Variants in CRTAC1 observed in about 807,000 individuals in gnomAD.
The protein encoded by CRTAC1 is cartilage acidic protein 1.
CRTAC1 carries 37 observed loss-of-function variants against 67.8 expected under a neutral mutation model. That is an observed-to-expected ratio of 0.55 (90% CI 0.42 to 0.72). The LOEUF is 0.72. CRTAC1 is among the 30% of genes least tolerant of loss of function. The pLI, the probability that CRTAC1 is intolerant of heterozygous loss-of-function variation, is 0.00. For missense variants in CRTAC1, 780 were observed against 931.6 expected, an observed-to-expected ratio of 0.84 and a Z score of 2.12; for synonymous variants, 348 against 371.0, an observed-to-expected ratio of 0.94 and a Z score of 0.71.
At chr10:98,020,017 G>C (rs1203966341) in intron 1 of CRTAC1, among the ~76,000 whole-genome samples, 2 of 152,202 alleles carry the variant, frequency 1.3e-5, no homozygotes, top group African/African-American at 4.8e-5. Flanking sequence ...CTGGATCCCT[G>C]AGTCAATTCT....
intron 2 of CRTAC1, among the ~76,000 whole-genome samples, chr10:97,994,208 G>A (rs902582719): frequency 6.6e-6 from 1 of 152,148 alleles, no homozygotes; most frequent in Non-Finnish European, 1.5e-5. Flanking sequence ...TTTGGTTTGA[G>A]TTTTATTTTA....
At chr10:97,986,089 G>C (rs2051977925) in intron 2 of CRTAC1, among the ~76,000 whole-genome samples, 1 of 152,222 alleles carries the variant, frequency 6.6e-6, no homozygotes, top group Admixed American at 6.5e-5. Context: ...TGGGCTCTGG[G>C]AAGGAGGAAG....
intron 4 of CRTAC1, among the ~76,000 whole-genome samples, chr10:97,922,123 C>T (rs1012444601): frequency 4.6e-5 from 7 of 152,152 alleles, no homozygotes; most frequent in African/African-American, 9.6e-5. Context: ...GGCCCCTAAC[C>T]GTGACCAGGT....
chr10:98,015,505 T>C (rs929430036), intron 1 of CRTAC1, among the ~76,000 whole-genome samples: 1 of 152,258 alleles, frequency 6.6e-6, no homozygotes, highest in Non-Finnish European at 1.5e-5. Context: ...TTGCAAATTT[T>C]ATGTTCTGTG....
chr10:97,981,410 C>A (rs983453087), intron 2 of CRTAC1, among the ~76,000 whole-genome samples: 1 of 152,160 alleles, frequency 6.6e-6, no homozygotes, highest in Non-Finnish European at 1.5e-5. Context: ...TATTATGCTT[C>A]TTTCCCTTAG....
intron 5 of CRTAC1, among the ~76,000 whole-genome samples, chr10:97,913,222 A>G (rs2050713846): frequency 6.6e-6 from 1 of 152,178 alleles, no homozygotes; most frequent in Admixed American, 6.5e-5. Flanking sequence ...AAATTTCCTG[A>G]AAAATTATAA....
At chr10:97,897,032 A>ATAC in intron 8 of CRTAC1, 41 bp from the exon 9 acceptor site, 1 of 1,465,264 alleles carries the variant, frequency 6.8e-7, no homozygotes, top group African/African-American at 1.4e-5. Flanking sequence ...GGGGTCTCAG[A>ATAC]GGCCGCTGGA....
chr10:97,993,512 G>C (rs928097692), intron 2 of CRTAC1, among the ~76,000 whole-genome samples: 2 of 152,192 alleles, frequency 1.3e-5, no homozygotes, highest in African/African-American at 2.4e-5. Flanking sequence ...GCTTGAAGGA[G>C]GGGATCATAT....
rs923462245 is a variant in CRTAC1, at chr10:98,030,012, C to T, written c.24+437G>A. Among the ~76,000 whole-genome samples, 9 of 152,050 alleles carry T rather than the reference C, an allele frequency of 5.9e-5. No homozygotes were observed. The highest frequency in any genetic ancestry group is 1.0e-4 in the Non-Finnish European group (7 of 67,962). ...CAGCCTGGAAGCGTAGGCACTCGGC[C>T]GAGGCCAGTGGCTTCCCAGGCCCGG... On this transcript the variant is annotated intron_variant, in intron 1 of 14. Transcript: ENST00000370597. This position sits in a 1 kb window ranked among gnomAD's most constrained non-coding sequence, Gnocchi z 4.2.
rs1023552456 is a variant in CRTAC1 at position 97,975,183 on chromosome 10, C to T, written c.224+35955G>A. Among the ~76,000 whole-genome samples the T allele has an allele frequency of 6.6e-6, 1 of 152,180 alleles. No homozygotes were observed. The highest frequency in any genetic ancestry group is 1.5e-5 in the Non-Finnish European group (1 of 68,026). On this transcript the variant is annotated intron_variant, in intron 2 of 14. Coordinates refer to ENST00000370597, the MANE Select transcript of CRTAC1 (RefSeq NM_018058.7). This position sits in a 1 kb window ranked among gnomAD's most constrained non-coding sequence, Gnocchi z 4.8. ...AGGAATCCAATTTGCGCACAAGGAT[C>T]GTCTACAAATTTATATGTCGGCATT...
intron 2 of CRTAC1, among the ~76,000 whole-genome samples, chr10:97,953,983 C>T (rs776780742): frequency 7.2e-5 from 11 of 152,122 alleles, no homozygotes; most frequent in African/African-American, 2.7e-4. Flanking sequence ...GGCAAATTCT[C>T]GGGAGGTGTA....
chr10:97,930,322 T>C (rs2050985475), intron 3 of CRTAC1, among the ~76,000 whole-genome samples: 1 of 152,216 alleles, frequency 6.6e-6, no homozygotes, highest in Admixed American at 6.5e-5. Context: ...TATTCCATAT[T>C]ATGCTGCTTT....
intron 2 of CRTAC1, among the ~76,000 whole-genome samples, chr10:97,996,582 C>T (rs956192355): frequency 3.3e-5 from 5 of 152,174 alleles, no homozygotes; most frequent in African/African-American, 4.8e-5. Context: ...AGTCAGGAAA[C>T]AACGGGTGCT....
chr10:97,891,429 A>G (rs1172772369), intron 11 of CRTAC1, among the ~76,000 whole-genome samples: 1 of 152,150 alleles, frequency 6.6e-6, no homozygotes, highest in East Asian at 1.9e-4. Flanking sequence ...CTGTCCTTCT[A>G]GACCTAATTC....
chr10:97,881,637 G>A (rs1303369723), intron 13 of CRTAC1, among the ~76,000 whole-genome samples: 2 of 150,518 alleles, frequency 1.3e-5, no homozygotes, highest in Non-Finnish European at 3.0e-5. Context: ...TGATCTCAAA[G>A]GGTCCTTCCT....
At position 98,030,427 on chromosome 10, in the gene CRTAC1, G is replaced by A; in HGVS notation, c.24+22C>T. ...GAAACTTTCTCCGCCTTAGGGTGGGGGGCACCGGTGCAGATACTCACGCCG... is the reference window on the plus strand; with the variant it reads ...GAAACTTTCTCCGCCTTAGGGTGGGAGGCACCGGTGCAGATACTCACGCCG... On this transcript the variant is annotated intron_variant, in intron 1 of 14. Coordinates refer to ENST00000370597, the MANE Select transcript of CRTAC1 (RefSeq NM_018058.7). The surrounding 1 kb of genome is among the most constrained non-coding windows in gnomAD (Gnocchi z 4.2). The A allele has an allele frequency of 8.0e-7, 1 of 1,246,540 alleles. No homozygotes were observed. Among genetic ancestry groups the A allele is most frequent in the Non-Finnish European group, 1.0e-6 (1 of 985,874 alleles). 77.2% of individuals were successfully genotyped at this position (1,246,540 alleles called of 1,614,324 possible). A position where few individuals can be genotyped will look rare whatever the true frequency, so the allele number is the denominator to read the frequency against.
intron 2 of CRTAC1, among the ~76,000 whole-genome samples, chr10:97,941,459 G>C: frequency 6.6e-6 from 1 of 151,932 alleles, no homozygotes; most frequent in East Asian, 1.9e-4. Context: ...CCAGTCCCAG[G>C]TCAGATGCAT....
In CRTAC1 at chr10:97,881,600, G is replaced by A. The variant is rs2050215684; in HGVS notation, c.1675+1186C>T. On this transcript the variant is annotated intron_variant, in intron 13 of 14. Coordinates refer to ENST00000370597, the MANE Select transcript of CRTAC1 (RefSeq NM_018058.7). ...CTGTGTACGAGGCACATAACTGCCT[G>A]TTGGGCGATGAAAAGGAAGAGGAGG... Among the ~76,000 whole-genome samples the A allele has an allele frequency of 2.0e-5, 3 of 152,212 alleles. No homozygotes were observed. In the South Asian group the frequency reaches 6.2e-4, roughly 32 times the overall value.
At chr10:97,984,655 C>T (rs540202731) in intron 2 of CRTAC1, among the ~76,000 whole-genome samples, 2 of 152,302 alleles carry the variant, frequency 1.3e-5, no homozygotes, top group African/African-American at 4.8e-5. Context: ...ATGCAAAACT[C>T]CTGCACTCTT....
Sources: allele counts gnomAD v4.1 joint callset (sites outside exome capture counted in the v4.1 genomes callset), GRCh38; gene constraint gnomAD v4.1.1; non-coding constraint Gnocchi (gnomAD v3.1); transcripts MANE v1.5; gene names NCBI Gene and HGNC (gene_info 2026-07-23, HGNC 2026-07-21).